Variants in UROS observed in about 807,000 individuals in gnomAD.
UROS encodes the protein uroporphyrinogen III synthase.
In UROS, 18 loss-of-function variants were observed where a neutral mutation model predicts 33.0. The ratio of observed to expected loss-of-function variants is 0.55; its 90% CI spans 0.38 to 0.81. The LOEUF is 0.81. UROS is among the 30% of genes least tolerant of loss of function. UROS has a pLI of 0.00. For missense variants in UROS, 293 were observed against 314.9 expected, an observed-to-expected ratio of 0.93 and a Z score of 0.53; for synonymous variants, 114 against 121.1, an observed-to-expected ratio of 0.94 and a Z score of 0.38.
At chr10:125,800,840 G>T (rs1324850503) in intron 6 of UROS, among the ~76,000 whole-genome samples, 5 of 152,148 alleles carry the variant, frequency 3.3e-5, no homozygotes, top group African/African-American at 1.2e-4. Context: ...AAAGTGCTGG[G>T]ATTACAGGAG....
chr10:125,802,974 C>A (rs1851967376), intron 6 of UROS: 1 of 1,612,786 alleles, frequency 6.2e-7, no homozygotes. Context: ...AGCATAAGGG[C>A]ACGTCCAAAC....
At chr10:125,816,369 C>G in intron 2 of UROS, 68 bp downstream of exon 2, 2 of 1,608,874 alleles carry the variant, frequency 1.2e-6, no homozygotes, top group South Asian at 2.2e-5. Flanking sequence ...AAACCCATCC[C>G]TGCCTGCTCC....
At chr10:125,786,518 C>G (rs1296967286), downstream of UROS, among the ~76,000 whole-genome samples, 1 of 152,140 alleles carries the variant, frequency 6.6e-6, no homozygotes, top group African/African-American at 2.4e-5. Context: ...CCCGCCTCAG[C>G]CTCCCACAGT....
intron 3 of UROS, among the ~76,000 whole-genome samples, chr10:125,815,473 CT>C (rs1202486247): frequency 2.6e-5 from 4 of 152,250 alleles, no homozygotes; most frequent in Non-Finnish European, 5.9e-5. Flanking sequence ...TGGGGGAAGA[CT>C]TGACCCGAAT....
chr10:125,800,404 G>A (rs928561771), intron 6 of UROS, among the ~76,000 whole-genome samples: 11 of 152,202 alleles, frequency 7.2e-5, no homozygotes, highest in African/African-American at 2.7e-4. Flanking sequence ...ATCCTCGTGT[G>A]CGTGCTGGGG....
At chr10:125,810,317 T>C (rs1406584243) in intron 5 of UROS, among the ~76,000 whole-genome samples, 1 of 152,184 alleles carries the variant, frequency 6.6e-6, no homozygotes, top group African/African-American at 2.4e-5. Context: ...CTCTCTTGGA[T>C]TGCCTTGCGA....
chr10:125,821,168 C>A (rs543161279), intron 1 of UROS, among the ~76,000 whole-genome samples: 2 of 152,176 alleles, frequency 1.3e-5, no homozygotes, highest in Admixed American at 1.3e-4. Context: ...AGCAGGGACT[C>A]GAACAGATAT....
At chr10:125,821,279 T>C (rs940310148) in intron 1 of UROS, among the ~76,000 whole-genome samples, 3 of 152,246 alleles carry the variant, frequency 2.0e-5, no homozygotes, top group Non-Finnish European at 4.4e-5. Flanking sequence ...ATGTGGTCTA[T>C]ACATGCAATG....
At chr10:125,795,194 T>C in intron 8 of UROS, 1 of 595,652 alleles carries the variant, frequency 1.7e-6, no homozygotes, top group Non-Finnish European at 3.0e-6. Context: ...AGAAAGCTGG[T>C]GCTGCCCCAG....
downstream of UROS, among the ~76,000 whole-genome samples, chr10:125,786,775 T>C (rs1442903158): frequency 1.3e-5 from 2 of 152,176 alleles, no homozygotes; most frequent in Non-Finnish European, 2.9e-5. Flanking sequence ...GCAGAAGAAA[T>C]GAGGTGTGAC....
At chr10:125,785,588 C>T (rs1020479545), downstream of UROS, 3 of 152,206 alleles carry the variant, frequency 2.0e-5, no homozygotes, top group African/African-American at 4.8e-5. Flanking sequence ...GTTGTATTAA[C>T]GCTTAACTCA....
At chr10:125,821,338 G>A (rs1324188631) in intron 1 of UROS, among the ~76,000 whole-genome samples, 1 of 152,224 alleles carries the variant, frequency 6.6e-6, no homozygotes, top group African/African-American at 2.4e-5. Context: ...GCATGCTACA[G>A]CATGGGATAA....
intron 7 of UROS, 144 bp downstream of exon 7, chr10:125,797,921 G>T: frequency 1.1e-6 from 1 of 878,822 alleles, no homozygotes. Context: ...CATGAGCATG[G>T]TCTCTGTGTC....
intron 6 of UROS, among the ~76,000 whole-genome samples, chr10:125,799,167 T>G (rs1851607818): frequency 6.6e-6 from 1 of 152,190 alleles, no homozygotes; most frequent in African/African-American, 2.4e-5. Flanking sequence ...GCCACTTAAT[T>G]TCAAGTGTAT....
At position 125,808,944 on chromosome 10, in the gene UROS, C is replaced by T. The variant is rs369389799; in HGVS notation, c.320-1457G>A. Among the ~76,000 whole-genome samples, 17 of 152,378 alleles carry T rather than the reference C, an allele frequency of 1.1e-4. No individual in the cohort carries two copies. The East Asian group carries it at 1.9e-3, about 17-fold the overall frequency. On this transcript the variant is annotated intron_variant, in intron 5 of 9. Coordinates refer to ENST00000368797, the MANE Select transcript of UROS (RefSeq NM_000375.3). ...TCAACCAACACTCTGGCTGGGTAAG[C>T]CCATCTTAAGGGCCCTGCCCAAGTA...
intron 9 of UROS, chr10:125,794,439 G>T: frequency 1.2e-6 from 1 of 843,366 alleles, no homozygotes; most frequent in Non-Finnish European, 1.5e-6. Flanking sequence ...AATAAATACA[G>T]TCCCTAGTAA....
At chr10:125,811,896 C>A (rs1852848953) in intron 5 of UROS, among the ~76,000 whole-genome samples, 1 of 151,896 alleles carries the variant, frequency 6.6e-6, no homozygotes, top group South Asian at 2.1e-4. Flanking sequence ...TCATTTTAAT[C>A]ACTAAGTGCA....
chr10:125,793,461 A>G (rs533161087), intron 9 of UROS: 44 of 152,392 alleles, frequency 2.9e-4, no homozygotes, highest in African/African-American at 1.1e-3. Flanking sequence ...GACCTGCAAT[A>G]TGACGTAAGC....
rs780738198 is a variant in UROS, at chr10:125,798,042, T to C, written c.475+23A>G. 5 of 1,613,360 alleles carry C rather than the reference T, an allele frequency of 3.1e-6. No individual in the cohort carries two copies. In the South Asian group the frequency reaches 5.5e-5, roughly 18 times the overall value. On this transcript the variant is annotated intron_variant, in intron 7 of 9. Coordinates refer to ENST00000368797, the MANE Select transcript of UROS (RefSeq NM_000375.3). ...TGGTGGATCCCAAAGTGGTAAGGGA[T>C]GCAGTCAAAGCATTCTACTCGCCTT...
Sources: gnomAD v4.1 joint callset for allele counts (sites outside exome capture counted in the v4.1 genomes callset) on GRCh38, gnomAD v4.1.1 for gene constraint, MANE v1.5 for transcripts, NCBI Gene and HGNC (gene_info 2026-07-23, HGNC 2026-07-21) for gene names.